The following PTPRD variants were observed in gnomAD, a reference collection of about 807,000 sequenced individuals.
PTPRD encodes the protein protein tyrosine phosphatase receptor type D.
A neutral mutation model predicts 214.5 loss-of-function variants in PTPRD; 34 were observed. The observed-to-expected ratio is 0.16, with a 90% CI of 0.12 to 0.21. The LOEUF is 0.21. Among genes scored for constraint, PTPRD ranks in the 10% least tolerant of loss-of-function variants. The probability of loss-of-function intolerance (pLI) is 1.00; values close to 1 mark genes in which losing one functional copy is unlikely to be tolerated. For synonymous variants in PTPRD, 1,128 were observed against 845.7 expected, an observed-to-expected ratio of 1.33 and a Z score of -5.79; for missense variants, 2,545 against 2,398.7, an observed-to-expected ratio of 1.06 and a Z score of -1.27.
intron 2 of PTPRD, among the ~76,000 whole-genome samples, chr9:10,493,179 T>C (rs961132100): frequency 3.3e-5 from 5 of 152,068 alleles, no homozygotes; most frequent in Non-Finnish European, 7.4e-5. Context: ...CTACCTAAAG[T>C]AATTTTTGGA....
intron 11 of PTPRD, among the ~76,000 whole-genome samples, chr9:8,757,842 A>G (rs936618940): frequency 6.6e-6 from 1 of 152,112 alleles, no homozygotes; most frequent in Admixed American, 6.6e-5. Flanking sequence ...ATATAATCCC[A>G]ATTTTGACCT....
At chr9:9,454,748 A>G (rs1384378998) in intron 8 of PTPRD, among the ~76,000 whole-genome samples, 3 of 151,688 alleles carry the variant, frequency 2.0e-5, no homozygotes, top group Non-Finnish European at 4.4e-5. Flanking sequence ...ACAACATTCT[A>G]CAAACATTTA....
intron 24 of PTPRD, 86 bp downstream of exon 24, chr9:8,500,668 A>T: frequency 7.2e-7 from 1 of 1,393,826 alleles, no homozygotes; most frequent in Non-Finnish European, 9.8e-7. Context: ...ATGAGCAGAG[A>T]AAAAAGATTA....
chr9:9,553,447 G>A (rs1229534430), intron 8 of PTPRD, among the ~76,000 whole-genome samples: 1 of 151,904 alleles, frequency 6.6e-6, no homozygotes, highest in East Asian at 1.9e-4. Flanking sequence ...CCATTTAACA[G>A]ATGAGGATAC....
At chr9:10,120,627 G>A (rs905163412) in intron 3 of PTPRD, among the ~76,000 whole-genome samples, 2 of 151,600 alleles carry the variant, frequency 1.3e-5, no homozygotes, top group Non-Finnish European at 2.9e-5. Flanking sequence ...TTTTCAAAAA[G>A]TTTCTATAGT....
At chr9:9,908,585 G>A (rs530647706) in intron 5 of PTPRD, among the ~76,000 whole-genome samples, 37 of 152,100 alleles carry the variant, frequency 2.4e-4, no homozygotes, top group African/African-American at 7.0e-4. Flanking sequence ...AGTATTAAAC[G>A]TTCTGGATGA....
At chr9:10,298,636 T>G (rs1032015071) in intron 3 of PTPRD, among the ~76,000 whole-genome samples, 1 of 152,020 alleles carries the variant, frequency 6.6e-6, no homozygotes, top group Non-Finnish European at 1.5e-5. Context: ...TAGACCCATT[T>G]CCCATGATTG....
chr9:9,388,547 G>C (rs2064697426), intron 9 of PTPRD, among the ~76,000 whole-genome samples: 2 of 152,124 alleles, frequency 1.3e-5, no homozygotes, highest in Non-Finnish European at 2.9e-5. Context: ...TTAAGCAACA[G>C]TCAGGTACTG....
At chr9:10,564,334 T>C (rs966730717) in intron 2 of PTPRD, among the ~76,000 whole-genome samples, 1 of 151,306 alleles carries the variant, frequency 6.6e-6, no homozygotes, top group Non-Finnish European at 1.5e-5. Flanking sequence ...AATTTTAAAA[T>C]AGACGAAACC....
At chr9:10,001,867 GACAA>G (rs1280236016) in intron 4 of PTPRD, among the ~76,000 whole-genome samples, 1 of 152,092 alleles carries the variant, frequency 6.6e-6, no homozygotes, top group African/African-American at 2.4e-5. Flanking sequence ...AAAGAGTACA[GACAA>G]ACAAACAATA....
chr9:10,184,350 G>A (rs1056702398), intron 3 of PTPRD, among the ~76,000 whole-genome samples: 6 of 152,176 alleles, frequency 3.9e-5, no homozygotes, highest in East Asian at 1.9e-4. Context: ...ACTTGAACCC[G>A]GGAGGCAGAG....
At chr9:8,477,908 C>G (rs185133939) in intron 30 of PTPRD, among the ~76,000 whole-genome samples, 4 of 152,316 alleles carry the variant, frequency 2.6e-5, no homozygotes, top group Admixed American at 1.3e-4. Flanking sequence ...TGGATTCAAG[C>G]CTTTCCTCTC....
At chr9:8,506,611 G>A (rs1462154603) in intron 22 of PTPRD, among the ~76,000 whole-genome samples, 1 of 152,032 alleles carries the variant, frequency 6.6e-6, no homozygotes, top group East Asian at 1.9e-4. Flanking sequence ...ACGTCAAATC[G>A]ATTAATAAGA....
chr9:10,197,387 G>T (rs149157971), intron 3 of PTPRD, among the ~76,000 whole-genome samples: 5 of 152,224 alleles, frequency 3.3e-5, no homozygotes, highest in Non-Finnish European at 5.9e-5. Context: ...ATAGAAATGT[G>T]AGATCATTCC....
chr9:9,884,382 T>A (rs375114549), intron 5 of PTPRD, among the ~76,000 whole-genome samples: 1 of 152,172 alleles, frequency 6.6e-6, no homozygotes, highest in African/African-American at 2.4e-5. Flanking sequence ...AGTGTACATG[T>A]AAGTCAGGAA....
chr9:9,327,368 G>A (rs981887142), intron 9 of PTPRD, among the ~76,000 whole-genome samples: 14 of 152,132 alleles, frequency 9.2e-5, no homozygotes, highest in South Asian at 4.1e-4. Flanking sequence ...TAAAACAACC[G>A]AAATGGAAAC....
At chr9:8,645,709 G>C (rs1371580117) in intron 12 of PTPRD, among the ~76,000 whole-genome samples, 1 of 147,468 alleles carries the variant, frequency 6.8e-6, no homozygotes, top group Non-Finnish European at 1.5e-5. Context: ...TTAGTGAAAA[G>C]ATTATCTCCC....
chr9:9,447,890 G>C (rs1376776736), intron 8 of PTPRD, among the ~76,000 whole-genome samples: 1 of 152,032 alleles, frequency 6.6e-6, no homozygotes, highest in Non-Finnish European at 1.5e-5. Flanking sequence ...GTGCCGTTGG[G>C]CCAGATTAAA....
chr9:9,893,678 G>A (rs1447940689), intron 5 of PTPRD, among the ~76,000 whole-genome samples: 3 of 151,972 alleles, frequency 2.0e-5, no homozygotes, highest in African/African-American at 4.8e-5. Context: ...AGAGAGAAAG[G>A]GAGTTTGAAA....
Sources: gnomAD v4.1 joint callset for allele counts (sites outside exome capture counted in the v4.1 genomes callset) on GRCh38, gnomAD v4.1.1 for gene constraint, MANE v1.5 for transcripts, NCBI Gene and HGNC (gene_info 2026-07-23, HGNC 2026-07-21) for gene names.